SYNPR: variants seen among roughly 807,000 people sequenced by gnomAD.
SYNPR encodes synaptoporin.
SYNPR carries 23 observed loss-of-function variants against 32.9 expected under a neutral mutation model. That is an observed-to-expected ratio of 0.70 (90% CI 0.50 to 0.99). SYNPR has a LOEUF of 0.99. SYNPR is among the 50% of genes least tolerant of loss of function. The pLI is 0.00. For synonymous variants in SYNPR, 146 were observed against 135.9 expected, an observed-to-expected ratio of 1.07 and a Z score of -0.52; for missense variants, 318 against 349.3, an observed-to-expected ratio of 0.91 and a Z score of 0.71.
chr3:63,506,098 C>T (rs1227428665), intron 3 of SYNPR, among the ~76,000 whole-genome samples: 2 of 151,778 alleles, frequency 1.3e-5, no homozygotes, highest in Non-Finnish European at 2.9e-5. Context: ...TCCTTCCTTC[C>T]TTTTCTCCTT....
At position 63,292,155 on chromosome 3, in the gene SYNPR, G is replaced by A. The variant is rs142782596; in HGVS notation, c.84+13413G>A. On this transcript the variant is annotated intron_variant, in intron 2 of 5. Transcript: ENST00000478300. ...CTTATGGGACCATCATCATATATGTGGTTGGTCATTGACCAAAACATCATT... is the reference window on the plus strand; with the variant it reads ...CTTATGGGACCATCATCATATATGTAGTTGGTCATTGACCAAAACATCATT... Among the ~76,000 whole-genome samples, 72 of 152,236 alleles carry A rather than the reference G, an allele frequency of 4.7e-4. No individual in the cohort carries two copies. In the East Asian group the frequency reaches 0.014, roughly 29 times the overall value.
chr3:63,347,181 C>A (rs1181249744), intron 2 of SYNPR, among the ~76,000 whole-genome samples: 1 of 152,240 alleles, frequency 6.6e-6, no homozygotes, highest in Middle Eastern at 3.4e-3. Context: ...CCTAAGTAAT[C>A]CATTTTCTTA....
the SYNPR span, among the ~76,000 whole-genome samples, chr3:63,211,447 G>GT: frequency 6.6e-6 from 1 of 152,314 alleles, no homozygotes. Context: ...CAAGTTTACA[G>GT]TTTTTTGCAG....
intron 4 of SYNPR, among the ~76,000 whole-genome samples, chr3:63,564,711 C>T (rs1007832496): frequency 3.9e-5 from 6 of 152,096 alleles, no homozygotes; most frequent in Non-Finnish European, 8.8e-5. Flanking sequence ...GATGTTTTAT[C>T]GGATCTCACA....
At chr3:63,472,253 G>A (rs1009542896) in intron 2 of SYNPR, among the ~76,000 whole-genome samples, 6 of 152,154 alleles carry the variant, frequency 3.9e-5, no homozygotes, top group Admixed American at 2.6e-4. Context: ...ACTCCTGGGC[G>A]AGTTGGGAAG....
At chr3:63,560,043 C>T (rs1168453449) in intron 4 of SYNPR, among the ~76,000 whole-genome samples, 2 of 152,162 alleles carry the variant, frequency 1.3e-5, no homozygotes, top group Non-Finnish European at 2.9e-5. Flanking sequence ...TGCTTTATCT[C>T]TGTGTAAACA....
intron 1 of SYNPR, among the ~76,000 whole-genome samples, chr3:63,236,948 G>A (rs1030194650): frequency 2.0e-5 from 3 of 152,060 alleles, no homozygotes; most frequent in Non-Finnish European, 4.4e-5. Flanking sequence ...CTGATGTTAG[G>A]AGGAACACAT....
At chr3:63,245,708 AGAGTGT>A (rs1452787903) in intron 1 of SYNPR, among the ~76,000 whole-genome samples, 1,063 of 50,066 alleles carry the variant, frequency 0.021, no homozygotes, top group African/African-American at 0.046. Context: ...AGAGAGAGAG[AGAGTGT>A]GTGTGTGTGT....
intron 3 of SYNPR, among the ~76,000 whole-genome samples, chr3:63,546,499 G>T (rs575896171): frequency 3.3e-5 from 5 of 152,100 alleles, no homozygotes; most frequent in Non-Finnish European, 7.4e-5. Context: ...TGGGGGTGAG[G>T]GGGGAACAGT....
In SYNPR at chr3:63,615,205, G is replaced by T; in HGVS notation, c.601-19G>T. 6.2e-7 allele frequency: 1 copy of T among 1,609,798 alleles called. No individual in the cohort carries two copies. The highest frequency in any genetic ancestry group is 1.1e-5 in the South Asian group (1 of 90,506). On this transcript the variant is annotated intron_variant, in intron 5 of 5. Transcript: ENST00000478300. ...TTTTTGTCTAGTCTATCAATTCATT[G>T]GCTTTGATTCTCCTTCAGGTCTTTG... is the stretch of plus-strand genomic sequence containing the variant.
chr3:63,358,212 C>A (rs181640688), intron 2 of SYNPR, among the ~76,000 whole-genome samples: 10 of 152,336 alleles, frequency 6.6e-5, no homozygotes, highest in Admixed American at 2.0e-4. Context: ...TGGCTTAAAA[C>A]AACACAAATT....
intron 4 of SYNPR, among the ~76,000 whole-genome samples, chr3:63,595,731 ATATATATAT>A (rs1699925752): frequency 3.9e-5 from 1 of 25,840 alleles, no homozygotes; most frequent in South Asian, 1.6e-3. Flanking sequence ...ATATATATAT[ATATATATAT>A]ATATATATAT....
At chr3:63,250,303 T>A (rs550291200) in intron 1 of SYNPR, among the ~76,000 whole-genome samples, 1 of 152,196 alleles carries the variant, frequency 6.6e-6, no homozygotes, top group Admixed American at 6.5e-5. Flanking sequence ...GTACAATTAT[T>A]ACATGTCAAC....
intron 2 of SYNPR, among the ~76,000 whole-genome samples, chr3:63,419,014 G>A (rs2088575316): frequency 6.6e-6 from 1 of 152,160 alleles, no homozygotes; most frequent in Non-Finnish European, 1.5e-5. Flanking sequence ...TTATGTGACT[G>A]TACATTCTCT....
Position 63,459,880 on chromosome 3 carries a change from A to G in SYNPR, c.85-20952A>G, listed in dbSNP as rs146632886. On this transcript the variant is annotated intron_variant, in intron 2 of 5. Coordinates refer to ENST00000478300, the MANE Select transcript of SYNPR (RefSeq NM_001130003.2). ...CTGCCATCCGTCATTCAGCAAAGTCATCTTTGACACCTCCCTCATCCACTG... is the reference window on the plus strand; with the variant it reads ...CTGCCATCCGTCATTCAGCAAAGTCGTCTTTGACACCTCCCTCATCCACTG... Among the ~76,000 whole-genome samples the G allele has an allele frequency of 9.5e-3, 1,439 of 152,112 alleles. 12 individuals are homozygous for G. The highest frequency in any genetic ancestry group is 0.029 in the South Asian group (140 of 4,816).
At chr3:63,400,514 C>T (rs1451417439) in intron 2 of SYNPR, among the ~76,000 whole-genome samples, 1 of 152,210 alleles carries the variant, frequency 6.6e-6, no homozygotes, top group African/African-American at 2.4e-5. Context: ...CACAAGGCTG[C>T]TTGTATGTCC....
intron 2 of SYNPR, among the ~76,000 whole-genome samples, chr3:63,295,994 A>C (rs2106935833): frequency 6.6e-6 from 1 of 152,324 alleles, no homozygotes; most frequent in East Asian, 1.9e-4. Context: ...AGCATGCACA[A>C]GGCCATCTGG....
In SYNPR at chr3:63,388,556, TTGTGTGTGTGTGTG is replaced by T. The variant is rs749669898; in HGVS notation, c.85-92250_85-92237del. 7.3e-4 allele frequency among the ~76,000 whole-genome samples: 93 copies of T among 128,084 alleles called. No homozygotes were observed. In the Middle Eastern group the frequency reaches 0.03, roughly 41 times the overall value. The allele number at this position is 128,084 out of a possible 152,430, so 84.0% of individuals were successfully genotyped here. A position where few individuals can be genotyped will look rare whatever the true frequency, so the allele number is the denominator to read the frequency against. ...GCGCACACCACCACACCCGGCTAAT[TTGTGTGTGTGTGTG>T]TGTGTGTGTGTGTGTGTGTGTGTGT... On this transcript the variant is annotated intron_variant, in intron 2 of 5. Transcript: ENST00000478300.
At chr3:63,582,769 G>T (rs1228791838) in intron 4 of SYNPR, among the ~76,000 whole-genome samples, 1 of 152,000 alleles carries the variant, frequency 6.6e-6, no homozygotes, top group Non-Finnish European at 1.5e-5. Flanking sequence ...CTGCATTTGT[G>T]CCCCGGTTCT....
Sources: allele counts gnomAD v4.1 joint callset (sites outside exome capture counted in the v4.1 genomes callset), GRCh38; gene constraint gnomAD v4.1.1; transcripts MANE v1.5; gene names NCBI Gene and HGNC (gene_info 2026-07-23, HGNC 2026-07-21).